POM121C: variants seen among roughly 807,000 people sequenced by gnomAD.
POM121C encodes POM121 transmembrane nucleoporin C.
In POM121C, 20 loss-of-function variants were observed where a neutral mutation model predicts 66.4. That is an observed-to-expected ratio of 0.30 (90% CI 0.21 to 0.44). The LOEUF (loss-of-function observed/expected upper bound fraction) is 0.44. POM121C is among the 20% of genes least tolerant of loss of function. POM121C has a pLI of 1.00. For synonymous variants in POM121C, 286 were observed against 528.0 expected (o/e 0.54, Z 6.28); for missense variants, 580 against 1,225.7 (o/e 0.47, Z 7.87).
intron 3 of POM121C, among the ~76,000 whole-genome samples, chr7:75,473,186 T>C (rs1445990484): frequency 6.6e-6 from 1 of 152,168 alleles, no homozygotes; most frequent in African/African-American, 2.4e-5. Context: ...TACTGCTATA[T>C]TGTCAAGTAA....
At chr7:75,433,996 C>A (rs1223619846) in intron 7 of POM121C, among the ~76,000 whole-genome samples, 1 of 152,188 alleles carries the variant, frequency 6.6e-6, no homozygotes. Flanking sequence ...ATTCCTGCCA[C>A]GCAGCCCTCT....
At chr7:75,427,445 A>AAAAAAC (rs1205575531) in intron 7 of POM121C, among the ~76,000 whole-genome samples, 2 of 148,336 alleles carry the variant, frequency 1.3e-5, no homozygotes, top group African/African-American at 5.0e-5. Context: ...AAAAAGAAAC[A>AAAAAAC]AAAAACAAAA....
intron 6 of POM121C, among the ~76,000 whole-genome samples, chr7:75,438,847 T>C (rs1554473400): frequency 6.6e-6 from 1 of 152,256 alleles, no homozygotes. Flanking sequence ...AGTTTCATAC[T>C]GTCTTATCCG....
chr7:75,433,005 C>A lies in POM121C; in HGVS notation c.480+4510G>T, dbSNP rs184809806. Among the ~76,000 whole-genome samples, 4 of 151,982 alleles carry A rather than the reference C, an allele frequency of 2.6e-5. No homozygotes were observed. The East Asian group carries it at 7.7e-4, about 29-fold the overall frequency. ...ATCCCAGCACTTTGGGAGGCCAGGG[C>A]GGGTGGAATCACGAGGTGAAGAGTT... is the stretch of plus-strand genomic sequence containing the variant. On this transcript the variant is annotated intron_variant, in intron 7 of 14. Coordinates refer to ENST00000615331, the MANE Select transcript of POM121C (RefSeq NM_001099415.3).
chr7:75,439,211 T>G lies in POM121C; in HGVS notation c.241A>C (p.Ser81Arg). Residue 81 changes from serine (S) to arginine (R), a missense_variant, in exon 6 of 15, where the codon AGT (serine) becomes CGT (arginine). Ser to Arg is a moderately radical substitution (Grantham distance 110). Coordinates refer to ENST00000615331, the MANE Select transcript of POM121C (RefSeq NM_001099415.3). The part of the protein sequence containing the change: ...QENKRRRHDS[S>R]GSGHSAFEPL... Reference sequence around the variant, plus strand: ...TCAAATGCTGAATGTCCACTGCCACTGCTATCATGGCGCCTGCGACAAATC... The same window carrying G: ...TCAAATGCTGAATGTCCACTGCCACGGCTATCATGGCGCCTGCGACAAATC... 2 of 1,614,268 alleles carry G rather than the reference T, an allele frequency of 1.2e-6. No individual in the cohort carries two copies. Among genetic ancestry groups the G allele is most frequent in the Non-Finnish European group, 1.7e-6 (2 of 1,180,048 alleles).
At chr7:75,479,210 G>A (rs2923683) in intron 1 of POM121C, among the ~76,000 whole-genome samples, 6 of 152,146 alleles carry the variant, frequency 3.9e-5, no homozygotes, top group African/African-American at 9.7e-5. Context: ...GTTACAGAAA[G>A]TCCTTCAGGC....
rs1554473188 is a variant in POM121C at position 75,437,603 on chromosome 7, G to A, written c.392C>T (p.Ser131Phe). 2 of 1,613,956 alleles carry A rather than the reference G, an allele frequency of 1.2e-6. No homozygotes were observed. Among genetic ancestry groups the A allele is most frequent in the Non-Finnish European group, 1.7e-6 (2 of 1,179,854 alleles). The part of the protein sequence containing the change: ...NKRSRSSSMS[S>F]LTGAYTSGIP... ...GCCACTTGTGTAAGCGCCTGTCAAG[G>A]AGCTCATGGAAGAGCTTCGGGATCT... The change falls in exon 7 of 15, where the codon TCC (serine) becomes TTC (phenylalanine). Residue 131 changes from serine (S) to phenylalanine (F), a missense_variant. Coordinates refer to ENST00000615331, the MANE Select transcript of POM121C (RefSeq NM_001099415.3).
At chr7:75,473,968 G>A (rs1415370257) in intron 3 of POM121C, among the ~76,000 whole-genome samples, 7 of 152,126 alleles carry the variant, frequency 4.6e-5, no homozygotes, top group Non-Finnish European at 1.0e-4. Flanking sequence ...GATTACAGGC[G>A]TTAGCCACCG....
intron 3 of POM121C, among the ~76,000 whole-genome samples, chr7:75,450,110 G>A (rs2116444928): frequency 6.6e-6 from 1 of 152,300 alleles, no homozygotes; most frequent in South Asian, 2.1e-4. Flanking sequence ...AAGCCAATGA[G>A]AGAACACTCT....
intron 1 of POM121C, among the ~76,000 whole-genome samples, chr7:75,482,650 T>C (rs1246252617): frequency 1.3e-5 from 2 of 152,004 alleles, no homozygotes. Flanking sequence ...TGATCACGTC[T>C]CTACACTCCA....
chr7:75,470,136 G>C (rs1276974124), intron 3 of POM121C, among the ~76,000 whole-genome samples: 1 of 146,850 alleles, frequency 6.8e-6, no homozygotes, highest in Non-Finnish European at 1.5e-5. Context: ...GGCTGGTCTC[G>C]AACTCCTGAA....
intron 6 of POM121C, among the ~76,000 whole-genome samples, chr7:75,437,914 C>T (rs1554473247): frequency 1.3e-5 from 2 of 152,118 alleles, no homozygotes; most frequent in African/African-American, 4.8e-5. Context: ...GCATACCTAT[C>T]TACAGTGACA....
chr7:75,440,079 C>T (rs1270135920), intron 5 of POM121C, among the ~76,000 whole-genome samples: 1 of 151,540 alleles, frequency 6.6e-6, no homozygotes, highest in Non-Finnish European at 1.5e-5. Flanking sequence ...CGGGGTTTCA[C>T]CATGTTGGCC....
chr7:75,467,169 T>C (rs374496221), intron 3 of POM121C, among the ~76,000 whole-genome samples: 1 of 152,210 alleles, frequency 6.6e-6, no homozygotes, highest in African/African-American at 2.4e-5. Flanking sequence ...CAGTGTCCCA[T>C]ATTACCACCT....
intron 7 of POM121C, among the ~76,000 whole-genome samples, chr7:75,435,036 C>T (rs1296161707): frequency 6.6e-6 from 1 of 152,220 alleles, no homozygotes; most frequent in Non-Finnish European, 1.5e-5. Flanking sequence ...AGCAAAATCA[C>T]ATGCGCATTT....
At chr7:75,419,206 T>C in intron 14 of POM121C, 114 bp downstream of exon 14, 1 of 1,446,390 alleles carries the variant, frequency 6.9e-7, no homozygotes, top group African/African-American at 1.4e-5. Flanking sequence ...ACCCGAAATG[T>C]CTTTCCTGTG....
At chr7:75,471,766 G>A (rs1172455064) in intron 3 of POM121C, among the ~76,000 whole-genome samples, 3 of 152,136 alleles carry the variant, frequency 2.0e-5, no homozygotes, top group South Asian at 2.1e-4. Flanking sequence ...CCTACTACGC[G>A]CTGTCACGTG....
chr7:75,478,361 G>T (rs587746860), intron 1 of POM121C, among the ~76,000 whole-genome samples: 2 of 152,064 alleles, frequency 1.3e-5, no homozygotes, highest in South Asian at 4.1e-4. Context: ...CTTCTGCCTT[G>T]AGCGTTTCCA....
chr7:75,441,642 C>G lies in POM121C; in HGVS notation c.-146G>C, dbSNP rs1181936750. 13 of 1,552,558 alleles carry G rather than the reference C, an allele frequency of 8.4e-6. No homozygotes were observed. Among genetic ancestry groups the G allele is most frequent in the Admixed American group, 3.9e-5 (2 of 51,126 alleles). On this transcript the variant is annotated 5_prime_UTR_variant, in exon 4 of 15. Transcript: ENST00000615331. ...TACAAACCGATCTGGTAAAGTCCCA[C>G]GATCCCTGCAGAGAATGCGAGACAA... is the stretch of plus-strand genomic sequence containing the variant.
Sources: allele counts gnomAD v4.1 joint callset (sites outside exome capture counted in the v4.1 genomes callset), GRCh38; gene constraint gnomAD v4.1.1; transcripts MANE v1.5; gene names NCBI Gene and HGNC (gene_info 2026-07-23, HGNC 2026-07-21).